The following PCDHA4 variants were observed in gnomAD, a reference collection of about 807,000 sequenced individuals.
PCDHA4 encodes protocadherin alpha-4.
A neutral mutation model predicts 61.4 loss-of-function variants in PCDHA4; 49 were observed. The observed-to-expected ratio is 0.80, with a 90% CI of 0.63 to 1.01. The LOEUF is 1.01. Among genes scored for constraint, PCDHA4 ranks in the 50% least tolerant of loss-of-function variants. PCDHA4 has a pLI of 0.00. For synonymous variants in PCDHA4, 590 were observed against 550.3 expected, an observed-to-expected ratio of 1.07 and a Z score of -1.01; for missense variants, 1,254 against 1,235.8, an observed-to-expected ratio of 1.01 and a Z score of -0.22.
chr5:140,951,551 A>C (rs246040), intron 1 of PCDHA4, among the ~76,000 whole-genome samples: 2 of 151,590 alleles, frequency 1.3e-5, no homozygotes, highest in African/African-American at 4.8e-5. Flanking sequence ...GACGGGGGGA[A>C]GTGCTACGCA....
chr5:140,878,899 G>A (rs1301967468), intron 1 of PCDHA4, among the ~76,000 whole-genome samples: 2 of 152,152 alleles, frequency 1.3e-5, no homozygotes, highest in African/African-American at 4.8e-5. Flanking sequence ...CTACAGGCAG[G>A]CTCCACCACT....
chr5:140,831,363 T>A (rs1771496474), intron 1 of PCDHA4: 1 of 31,544 alleles, frequency 3.2e-5, no homozygotes, highest in Non-Finnish European at 6.7e-5. Context: ...CTATTTTGTA[T>A]GTGTGTGTGT....
intron 1 of PCDHA4, among the ~76,000 whole-genome samples, chr5:140,844,353 G>A (rs1249392344): frequency 6.7e-6 from 1 of 148,820 alleles, no homozygotes; most frequent in Admixed American, 6.7e-5. Context: ...AAATCAAGAG[G>A]GAAGAGATTT....
intron 1 of PCDHA4, chr5:140,969,344 T>G: frequency 6.2e-7 from 1 of 1,613,664 alleles, no homozygotes; most frequent in Non-Finnish European, 8.5e-7. Context: ...GAGACAGTGG[T>G]CAGGGGGTCT....
chr5:140,982,120 T>C (rs1554243763), intron 2 of PCDHA4, among the ~76,000 whole-genome samples: 1 of 152,256 alleles, frequency 6.6e-6, no homozygotes, highest in Non-Finnish European at 1.5e-5. Context: ...CTTGGAACTT[T>C]TGAGAACAAG....
chr5:141,006,126 G>T (rs1554260581), intron 3 of PCDHA4, among the ~76,000 whole-genome samples: 1 of 151,330 alleles, frequency 6.6e-6, no homozygotes. Flanking sequence ...TTTTCTCAAG[G>T]CAGTAGAAAG....
At position 141,011,472 on chromosome 5, in the gene PCDHA4, C is replaced by T. The variant is rs1347341869; in HGVS notation, c.*1535C>T. 40 of 153,652 alleles carry T rather than the reference C, an allele frequency of 2.6e-4. No individual in the cohort carries two copies. The highest frequency in any genetic ancestry group is 9.4e-4 in the African/African-American group (39 of 41,410). 9.5% of individuals were successfully genotyped at this position (153,652 alleles called of 1,614,324 possible). On this transcript the variant is annotated 3_prime_UTR_variant, in exon 4 of 4. Transcript: ENST00000530339. Reference sequence around the variant, plus strand: ...TAAGCTTTATTGTTGAATGTAATTCCATTATATTTCCTTTTGTACACCTGT... The same window carrying T: ...TAAGCTTTATTGTTGAATGTAATTCTATTATATTTCCTTTTGTACACCTGT...
chr5:140,971,943 A>T (rs2096507947), intron 1 of PCDHA4, among the ~76,000 whole-genome samples: 1 of 152,186 alleles, frequency 6.6e-6, no homozygotes, highest in Non-Finnish European at 1.5e-5. Flanking sequence ...AGTTGTATCC[A>T]TCTGACTCCA....
At chr5:140,823,104 A>G (rs1554129140) in intron 1 of PCDHA4, 7 of 1,613,870 alleles carry the variant, frequency 4.3e-6, no homozygotes, top group Middle Eastern at 1.6e-4. Context: ...TGTCTGTGGA[A>G]GTGGCCGACG....
intron 1 of PCDHA4, chr5:140,969,383 C>G: frequency 6.3e-7 from 1 of 1,597,986 alleles, no homozygotes; most frequent in Non-Finnish European, 8.5e-7. Context: ...TGTTACACAT[C>G]CCCCAATATC....
At chr5:140,857,365 C>A (rs251362) in intron 1 of PCDHA4, 1 of 1,597,496 alleles carries the variant, frequency 6.3e-7, no homozygotes, top group South Asian at 1.1e-5. Context: ...CCACGGCCAG[C>A]GTGTCTGTGG....
In PCDHA4 at chr5:140,807,970, A is replaced by G; in HGVS notation, c.783A>G (p.Val261=). The stretch of plus-strand genomic sequence containing the variant: ...AAAATGTTCCTAATGGAACATTGGT[A>G]ATTAAACTTAACGCCTCAGATTTAG... ...LLENVPNGTL[V]IKLNASDLDE... is the part of the protein sequence containing the mutation. The change falls in exon 1 of 4, where the codon GTA becomes GTG. Residue 261 remains valine, a synonymous_variant. Coordinates refer to ENST00000530339, the MANE Select transcript of PCDHA4 (RefSeq NM_018907.4). 1.2e-6 allele frequency: 2 copies of G among 1,613,692 alleles called. No homozygotes were observed. Among genetic ancestry groups the G allele is most frequent in the Non-Finnish European group, 1.7e-6 (2 of 1,179,608 alleles).
chr5:140,900,276 A>G (rs1228583402), intron 1 of PCDHA4, among the ~76,000 whole-genome samples: 1 of 151,558 alleles, frequency 6.6e-6, no homozygotes, highest in Non-Finnish European at 1.5e-5. Context: ...TATATGTACC[A>G]CACTTTCTTT....
At chr5:141,004,192 C>G (rs2098157863) in intron 3 of PCDHA4, among the ~76,000 whole-genome samples, 1 of 152,192 alleles carries the variant, frequency 6.6e-6, no homozygotes, top group African/African-American at 2.4e-5. Flanking sequence ...TGCTCTTAAC[C>G]AAAAGGAATT....
At chr5:140,928,400 C>T (rs1441591334) in intron 1 of PCDHA4, 15 of 1,614,038 alleles carry the variant, frequency 9.3e-6, no homozygotes, top group Non-Finnish European at 1.3e-5. Context: ...GTGGAATCAT[C>T]CAGTGGGGCC....
At chr5:140,925,955 G>T (rs1350124934) in intron 1 of PCDHA4, among the ~76,000 whole-genome samples, 1 of 152,076 alleles carries the variant, frequency 6.6e-6, no homozygotes. Context: ...AGGAGAAACT[G>T]CTATCACGCA....
chr5:140,969,051 A>T (rs908108421), intron 1 of PCDHA4: 3 of 1,614,062 alleles, frequency 1.9e-6, no homozygotes, highest in Non-Finnish European at 1.7e-6. Context: ...CAAGCCAACA[A>T]CAATATTGAT....
chr5:140,931,049 A>G (rs1165336064), intron 1 of PCDHA4, among the ~76,000 whole-genome samples: 1 of 152,226 alleles, frequency 6.6e-6, no homozygotes, highest in Non-Finnish European at 1.5e-5. Flanking sequence ...AAAAACTTCA[A>G]TGCTGTGTCT....
chr5:140,812,305 T>C (rs1765078735), intron 1 of PCDHA4: 1 of 152,126 alleles, frequency 6.6e-6, no homozygotes, highest in African/African-American at 2.4e-5. Context: ...TATATGATTT[T>C]AAAAGCCTCT....
Sources: gnomAD v4.1 joint callset for allele counts (sites outside exome capture counted in the v4.1 genomes callset) on GRCh38, gnomAD v4.1.1 for gene constraint, MANE v1.5 for transcripts, NCBI Gene and HGNC (gene_info 2026-07-23, HGNC 2026-07-21) for gene names.